Variants in UBE2E2 observed in about 807,000 individuals in gnomAD.
The protein encoded by UBE2E2 is ubiquitin conjugating enzyme E2 E2.
In UBE2E2, 6 loss-of-function variants were observed where a neutral mutation model predicts 24.7. The observed-to-expected ratio is 0.24, with a 90% CI of 0.13 to 0.48. UBE2E2 has a LOEUF of 0.48. Among genes scored for constraint, UBE2E2 ranks in the 20% least tolerant of loss-of-function variants. The pLI, the probability that UBE2E2 is intolerant of heterozygous loss-of-function variation, is 0.99. For synonymous variants in UBE2E2, 104 were observed against 83.6 expected, an observed-to-expected ratio of 1.24 and a Z score of -1.33; for missense variants, 169 against 245.0, an observed-to-expected ratio of 0.69 and a Z score of 2.07.
intron 5 of UBE2E2, among the ~76,000 whole-genome samples, chr3:23,572,111 G>A (rs535709854): frequency 1.8e-4 from 27 of 152,210 alleles, no homozygotes; most frequent in African/African-American, 6.3e-4. Flanking sequence ...GTTTTATTTA[G>A]CATTCCCAAT....
At chr3:23,416,610 T>G (rs1184269343) in intron 3 of UBE2E2, among the ~76,000 whole-genome samples, 3 of 152,210 alleles carry the variant, frequency 2.0e-5, no homozygotes, top group Non-Finnish European at 4.4e-5. Flanking sequence ...CTTGCTAGTT[T>G]GGGGAAGTTC....
At chr3:23,511,301 G>A (rs1214165084) in intron 4 of UBE2E2, among the ~76,000 whole-genome samples, 2 of 152,228 alleles carry the variant, frequency 1.3e-5, no homozygotes, top group East Asian at 1.9e-4. Flanking sequence ...CCCTGAAGGA[G>A]GGGATCACCC....
chr3:23,295,362 A>T (rs2125253453), intron 3 of UBE2E2, among the ~76,000 whole-genome samples: 1 of 152,228 alleles, frequency 6.6e-6, no homozygotes, highest in South Asian at 2.1e-4. Flanking sequence ...TCTAAAATTA[A>T]GGCCTTAATG....
At chr3:23,401,229 A>G (rs1444420434) in intron 3 of UBE2E2, among the ~76,000 whole-genome samples, 2 of 152,238 alleles carry the variant, frequency 1.3e-5, no homozygotes, top group Non-Finnish European at 2.9e-5. Context: ...CTAGTAGAGT[A>G]TGGTGAAAAG....
chr3:23,410,586 T>C (rs1206964057), intron 3 of UBE2E2, among the ~76,000 whole-genome samples: 1 of 152,200 alleles, frequency 6.6e-6, no homozygotes, highest in Non-Finnish European at 1.5e-5. Context: ...TACCTTCATC[T>C]TTTCTACTAA....
At position 23,588,310 on chromosome 3, in the gene UBE2E2, G is replaced by A. The variant is rs189538760; in HGVS notation, c.509-1424G>A. ...GGGAAATATAAATCGGGGAAAGAGT[G>A]AAATTAGAGAATTGGAGGGAAAAGA... On this transcript the variant is annotated intron_variant, in intron 5 of 5. Transcript: ENST00000396703. 5.6e-4 allele frequency among the ~76,000 whole-genome samples: 85 copies of A among 151,876 alleles called. 3 individuals carry two copies. The East Asian group carries it at 0.015, about 27-fold the overall frequency.
At chr3:23,519,152 G>T (rs937037295) in intron 4 of UBE2E2, among the ~76,000 whole-genome samples, 1 of 151,854 alleles carries the variant, frequency 6.6e-6, no homozygotes, top group African/African-American at 2.4e-5. Context: ...TGTATGTCAG[G>T]TTGGTTGCAA....
intron 3 of UBE2E2, among the ~76,000 whole-genome samples, chr3:23,321,749 A>G (rs935474812): frequency 1.4e-4 from 21 of 151,132 alleles, no homozygotes; most frequent in African/African-American, 4.1e-4. Flanking sequence ...CCTCTGATCA[A>G]TCTCCAGAGA....
At chr3:23,270,573 T>C (rs917881630) in intron 3 of UBE2E2, among the ~76,000 whole-genome samples, 2 of 152,136 alleles carry the variant, frequency 1.3e-5, no homozygotes, top group Non-Finnish European at 2.9e-5. Context: ...TGAGGAAGTA[T>C]AGAGTACATA....
At chr3:23,479,866 G>A (rs1699219676) in intron 3 of UBE2E2, among the ~76,000 whole-genome samples, 1 of 152,160 alleles carries the variant, frequency 6.6e-6, no homozygotes, top group Non-Finnish European at 1.5e-5. Flanking sequence ...GCTCAGAATG[G>A]AGGCAGTACA....
At chr3:23,438,676 T>A (rs1244385937) in intron 3 of UBE2E2, among the ~76,000 whole-genome samples, 1 of 152,236 alleles carries the variant, frequency 6.6e-6, no homozygotes, top group Admixed American at 6.5e-5. Context: ...CATTATATTT[T>A]ATGCATCATG....
chr3:23,225,378 A>G (rs888964419), intron 3 of UBE2E2, among the ~76,000 whole-genome samples: 7 of 152,130 alleles, frequency 4.6e-5, no homozygotes, highest in African/African-American at 1.2e-4. Flanking sequence ...GCCTAATCCA[A>G]GACCACGAAG....
chr3:23,275,371 C>A (rs1411692384), intron 3 of UBE2E2, among the ~76,000 whole-genome samples: 2 of 152,024 alleles, frequency 1.3e-5, no homozygotes, highest in African/African-American at 4.8e-5. Context: ...GGACATGTCC[C>A]GGAAGCTGAA....
chr3:23,255,039 TCG>T, intron 3 of UBE2E2, among the ~76,000 whole-genome samples: 1 of 151,784 alleles, frequency 6.6e-6, no homozygotes, highest in Admixed American at 6.6e-5. Context: ...TAAGAACAGT[TCG>T]TTGAGAAATT....
In UBE2E2 at chr3:23,208,839, G is replaced by A; in HGVS notation, c.140G>A (p.Ser47Asn). Residue 47 changes from serine to asparagine, a missense_variant, in exon 2 of 6, where the codon AGC becomes AAC. Physicochemically the swap from Ser to Asn is conservative, Grantham distance 46. This residue lies in a region of UBE2E2 where 64 missense variants were observed against 64.3 expected (regional missense o/e 1.00). Coordinates refer to ENST00000396703, the MANE Select transcript of UBE2E2 (RefSeq NM_152653.4). ...AAGAAAAAGGAGGGAAAAATATCCA[G>A]CAAAACCGCTGCTAAATTGTCAACT... The part of the protein sequence containing the change: ...QPKKKEGKIS[S>N]KTAAKLSTSA... The A allele has an allele frequency of 1.2e-6, 2 of 1,613,088 alleles. No homozygotes were observed. Among genetic ancestry groups the A allele is most frequent in the Non-Finnish European group, 1.7e-6 (2 of 1,179,484 alleles).
intron 3 of UBE2E2, among the ~76,000 whole-genome samples, chr3:23,292,258 T>G (rs1272026815): frequency 6.6e-6 from 1 of 152,176 alleles, no homozygotes; most frequent in Admixed American, 6.5e-5. Context: ...ATTACAGGCA[T>G]GAGCCACCTC....
chr3:23,453,836 A>G (rs1011264941), intron 3 of UBE2E2, among the ~76,000 whole-genome samples: 3 of 152,186 alleles, frequency 2.0e-5, no homozygotes, highest in African/African-American at 7.2e-5. Context: ...CATTGTGAAG[A>G]TGTTACAAAT....
intron 3 of UBE2E2, among the ~76,000 whole-genome samples, chr3:23,400,093 A>C (rs1385052172): frequency 1.3e-5 from 2 of 152,210 alleles, no homozygotes; most frequent in African/African-American, 4.8e-5. Context: ...GTCATATACA[A>C]GTCTAAAAAA....
intron 3 of UBE2E2, among the ~76,000 whole-genome samples, chr3:23,360,368 C>T (rs1156503464): frequency 1.3e-5 from 2 of 152,154 alleles, no homozygotes; most frequent in East Asian, 3.8e-4. Context: ...ATTAATTTTA[C>T]TTCTGCTGTG....
Sources: gnomAD v4.1 joint callset for allele counts (sites outside exome capture counted in the v4.1 genomes callset) on GRCh38, gnomAD v4.1.1 for gene constraint, gnomAD v4.1.1 regional missense constraint, MANE v1.5 for transcripts, NCBI Gene and HGNC (gene_info 2026-07-23, HGNC 2026-07-21) for gene names.